Variants in SPTBN1 observed in about 807,000 individuals in gnomAD.
SPTBN1 encodes spectrin beta chain, non-erythrocytic 1.
SPTBN1 carries 32 observed loss-of-function variants against 266.4 expected under a neutral mutation model. That is an observed-to-expected ratio of 0.12 (90% CI 0.09 to 0.16). The LOEUF (loss-of-function observed/expected upper bound fraction) is 0.16, where lower values mean the gene tolerates loss of function less well. Ranked by LOEUF, SPTBN1 falls within the 10% of genes least tolerant of loss-of-function variation. The probability of loss-of-function intolerance (pLI) is 1.00; values close to 1 mark genes in which losing one functional copy is unlikely to be tolerated. For synonymous variants in SPTBN1, 1,336 were observed against 1,162.2 expected (o/e 1.15, Z -3.04); for missense variants, 2,296 against 3,067.1 (o/e 0.75, Z 5.94).
chr2:54,461,865 G>A (rs1303726361), intron 1 of SPTBN1, among the ~76,000 whole-genome samples: 2 of 151,880 alleles, frequency 1.3e-5, no homozygotes, highest in Admixed American at 6.6e-5. Flanking sequence ...TTCTTAACTC[G>A]AATTTGTGAT....
At chr2:54,594,630 A>C (rs1042985447) in intron 2 of SPTBN1, among the ~76,000 whole-genome samples, 2 of 152,162 alleles carry the variant, frequency 1.3e-5, no homozygotes, top group Non-Finnish European at 2.9e-5. Context: ...TATTTTAATA[A>C]AAAAGAAAAA....
chr2:54,606,721 T>C (rs890396686), intron 3 of SPTBN1, among the ~76,000 whole-genome samples: 2 of 152,180 alleles, frequency 1.3e-5, no homozygotes, highest in Non-Finnish European at 2.9e-5. Flanking sequence ...CATATGCAGT[T>C]CTGTGACTGC....
chr2:54,566,987 T>G (rs941029698), intron 2 of SPTBN1, among the ~76,000 whole-genome samples: 5 of 152,226 alleles, frequency 3.3e-5, no homozygotes, highest in Admixed American at 1.3e-4. Flanking sequence ...ATACAGGGCT[T>G]GCTCTTTTGG....
chr2:54,566,981 A>G (rs779866805), intron 2 of SPTBN1, among the ~76,000 whole-genome samples: 1 of 152,240 alleles, frequency 6.6e-6, no homozygotes, highest in Non-Finnish European at 1.5e-5. Flanking sequence ...TAAAAAATAC[A>G]GGGCTTGCTC....
intron 2 of SPTBN1, among the ~76,000 whole-genome samples, chr2:54,578,749 G>GGTGTGTGTGT (rs34536803): frequency 3.4e-5 from 5 of 147,630 alleles, no homozygotes; most frequent in East Asian, 2.0e-4. Context: ...CTTCTGATGG[G>GGTGTGTGTGT]GTGTGTGTGT....
chr2:54,607,069 T>A (rs772653774), intron 3 of SPTBN1, among the ~76,000 whole-genome samples: 16 of 152,246 alleles, frequency 1.1e-4, no homozygotes, highest in Non-Finnish European at 1.8e-4. Flanking sequence ...AATCCACCTC[T>A]TTCTTTTTTT....
chr2:54,632,680 G>A lies in SPTBN1; in HGVS notation c.3679G>A (p.Ala1227Thr). ...TMDANEEKIN[A>T]VVETGRRLVS... ...GGACGCCAATGAGGAGAAGATCAAT[G>A]CTGTGGTGGAGACTGGCCGGAGGCT... The change falls in exon 17 of 36, where the codon GCT becomes ACT. Residue 1227 changes from alanine (A) to threonine (T), a missense_variant. By Grantham distance (58) the Ala-to-Thr change is moderately conservative. Coordinates refer to ENST00000356805, the MANE Select transcript of SPTBN1 (RefSeq NM_003128.3). The A allele has an allele frequency of 6.2e-7, 1 of 1,614,228 alleles. No homozygotes were observed. The highest frequency in any genetic ancestry group is 8.5e-7 in the Non-Finnish European group (1 of 1,180,040).
chr2:54,656,097 T>G, intron 29 of SPTBN1, 99 bp downstream of exon 29: 3 of 1,078,384 alleles, frequency 2.8e-6, no homozygotes, highest in Non-Finnish European at 4.0e-6. Flanking sequence ...ATTTAAAGAT[T>G]GTTCGAGTTG....
intron 3 of SPTBN1, among the ~76,000 whole-genome samples, chr2:54,605,503 G>A (rs531125581): frequency 6.6e-6 from 1 of 152,352 alleles, no homozygotes; most frequent in East Asian, 1.9e-4. Flanking sequence ...ACCTAGCAGG[G>A]AGAGGTGAAC....
Position 54,629,504 on chromosome 2 carries a change from G to A in SPTBN1, c.2370G>A (p.Ala790=), listed in dbSNP as rs987567311. 1.2e-5 allele frequency: 19 copies of A among 1,614,004 alleles called. No homozygotes were observed. The highest frequency in any genetic ancestry group is 2.7e-5 in the African/African-American group (2 of 74,946). ...QSLVKKHKDV[A]EEIANYRPTL... ...TGGTCAAGAAACACAAGGACGTGGC[G>A]GAAGAGATCGCCAATTACAGGCCCA... is the stretch of plus-strand genomic sequence containing the variant. The change falls in exon 14 of 36, where the codon GCG becomes GCA. Residue 790 remains alanine, a synonymous_variant. Coordinates refer to ENST00000356805, the MANE Select transcript of SPTBN1 (RefSeq NM_003128.3).
intron 30 of SPTBN1, 69 bp from the exon 31 acceptor site, chr2:54,659,085 T>G: frequency 1.3e-6 from 2 of 1,558,378 alleles, no homozygotes; most frequent in Admixed American, 1.7e-5. Context: ...CTTCCTGGGT[T>G]CCTAGAACCT....
intron 2 of SPTBN1, among the ~76,000 whole-genome samples, chr2:54,562,440 C>T (rs1432665246): frequency 6.6e-6 from 1 of 152,176 alleles, no homozygotes; most frequent in African/African-American, 2.4e-5. Flanking sequence ...TTATAAAACC[C>T]ATCCCTGGGT....
At chr2:54,610,957 G>C (rs533237008) in intron 3 of SPTBN1, among the ~76,000 whole-genome samples, 54 of 152,358 alleles carry the variant, frequency 3.5e-4, no homozygotes, top group Non-Finnish European at 6.6e-4. Context: ...GGCATTTTAA[G>C]TAGGCACTCA....
rs188395066 is a variant in SPTBN1 at position 54,633,721 on chromosome 2, G to T, written c.3767+953G>T. Among the ~76,000 whole-genome samples, 49 of 152,286 alleles carry T rather than the reference G, an allele frequency of 3.2e-4. No homozygotes were observed. The East Asian group carries it at 9.1e-3, about 28-fold the overall frequency. On this transcript the variant is annotated intron_variant, in intron 17 of 35. Coordinates refer to ENST00000356805, the MANE Select transcript of SPTBN1 (RefSeq NM_003128.3). ...TGCCTCTCTTCTGGCCTTCAAGTGT[G>T]TTGGAAAGGAAAAATATTCCTTTGC...
chr2:54,639,117 G>C (rs965250676), intron 18 of SPTBN1, among the ~76,000 whole-genome samples: 2 of 152,234 alleles, frequency 1.3e-5, no homozygotes, highest in Non-Finnish European at 2.9e-5. Flanking sequence ...CCTCTTCTAA[G>C]TGACACGCAA....
intron 2 of SPTBN1, among the ~76,000 whole-genome samples, chr2:54,596,440 TTG>T (rs1390069956): frequency 2.0e-5 from 3 of 152,204 alleles, no homozygotes; most frequent in Non-Finnish European, 2.9e-5. Context: ...GACTGGGGCT[TTG>T]TGTGTCTCTG....
chr2:54,628,193 G>C lies in SPTBN1; in HGVS notation c.1741G>C (p.Ala581Pro). 6.2e-7 allele frequency: 1 copy of C among 1,614,116 alleles called. No homozygotes were observed. Among genetic ancestry groups the C allele is most frequent in the Non-Finnish European group, 8.5e-7 (1 of 1,179,996 alleles). Residue 581 changes from alanine (A) to proline (P), a missense_variant, in exon 13 of 36, where the codon GCA becomes CCA. Physicochemically the swap from Ala to Pro is conservative, Grantham distance 27 (BLOSUM62 -1). Around this residue, in one of 12 missense-constraint regions of SPTBN1, gnomAD observed 434 missense variants for 573.9 expected, o/e 0.76. Transcript: ENST00000356805. This position sits in a 1 kb window ranked among gnomAD's most constrained non-coding sequence, Gnocchi z 4.3. ...GGTTGAAGCAGACATTGGCATCCAG[G>C]CAGAGCGGGTGAGAGGTGTCAATGC... ...TLVEADIGIQ[A>P]ERVRGVNASA... is the part of the protein sequence containing the mutation.
At chr2:54,492,319 G>A (rs1200658782) in intron 1 of SPTBN1, among the ~76,000 whole-genome samples, 2 of 146,504 alleles carry the variant, frequency 1.4e-5, no homozygotes, top group African/African-American at 5.0e-5. Context: ...CCTATTACTG[G>A]ACATTTAGTT....
chr2:54,603,385 C>T (rs1196464278), intron 3 of SPTBN1, among the ~76,000 whole-genome samples: 1 of 152,140 alleles, frequency 6.6e-6, no homozygotes, highest in Non-Finnish European at 1.5e-5. Flanking sequence ...TTACAGAGTA[C>T]TCTCCTACTC....
Sources: allele counts gnomAD v4.1 joint callset (sites outside exome capture counted in the v4.1 genomes callset), GRCh38; gene constraint gnomAD v4.1.1; regional missense constraint gnomAD v4.1.1; non-coding constraint Gnocchi (gnomAD v3.1); transcripts MANE v1.5; gene names NCBI Gene and HGNC (gene_info 2026-07-23, HGNC 2026-07-21).